The following MRPS35 variants were observed in gnomAD, a reference collection of about 807,000 sequenced individuals.
MRPS35 encodes small ribosomal subunit protein mS35.
In MRPS35, 29 loss-of-function variants were observed where a neutral mutation model predicts 32.7. The ratio of observed to expected loss-of-function variants is 0.89; its 90% CI spans 0.66 to 1.21. The LOEUF is 1.21. MRPS35 is among the 50% of genes most tolerant of loss of function. MRPS35 has a pLI of 0.00. For missense variants in MRPS35, 373 were observed against 383.8 expected (o/e 0.97, Z 0.23); for synonymous variants, 148 against 139.3 (o/e 1.06, Z -0.44).
intron 5 of MRPS35, 39 bp from the exon 6 acceptor site, chr12:27,735,408 A>G (rs911859786): frequency 1.4e-6 from 2 of 1,438,786 alleles, no homozygotes; most frequent in South Asian, 1.2e-5. Context: ...AAACAATTAT[A>G]TGAAATTATT....
At chr12:27,730,217 A>G (rs1466860014) in intron 5 of MRPS35, among the ~76,000 whole-genome samples, 1 of 152,146 alleles carries the variant, frequency 6.6e-6, no homozygotes, top group Non-Finnish European at 1.5e-5. Context: ...CTGTTCCAGA[A>G]TCCCATCCAG....
chr12:27,727,765 TTTG>T (rs2061906209), intron 5 of MRPS35, among the ~76,000 whole-genome samples: 1 of 152,174 alleles, frequency 6.6e-6, no homozygotes, highest in Non-Finnish European at 1.5e-5. Context: ...TGACCTATTG[TTTG>T]TTAATTATCA....
chr12:27,731,034 A>C (rs922560214), intron 5 of MRPS35, among the ~76,000 whole-genome samples: 2 of 152,192 alleles, frequency 1.3e-5, no homozygotes, highest in Admixed American at 1.3e-4. Flanking sequence ...TTATATCAGT[A>C]TGGACTCATG....
intron 5 of MRPS35, among the ~76,000 whole-genome samples, chr12:27,724,442 A>G (rs745368647): frequency 1.3e-5 from 2 of 151,800 alleles, no homozygotes; most frequent in Non-Finnish European, 2.9e-5. Context: ...ATTTTGGAAA[A>G]TACAAGTTTC....
At chr12:27,722,508 T>C (rs1353942580) in intron 4 of MRPS35, among the ~76,000 whole-genome samples, 9 of 151,368 alleles carry the variant, frequency 5.9e-5, no homozygotes, top group African/African-American at 1.9e-4. Flanking sequence ...AAATGACTTA[T>C]TCACATTTTT....
At chr12:27,744,413 G>A (rs1379750258) in intron 7 of MRPS35, among the ~76,000 whole-genome samples, 1 of 151,884 alleles carries the variant, frequency 6.6e-6, no homozygotes, top group African/African-American at 2.4e-5. Context: ...GGCCAACACA[G>A]CAAAACCTCA....
intron 7 of MRPS35, among the ~76,000 whole-genome samples, chr12:27,739,683 A>C (rs751358553): frequency 3.9e-5 from 6 of 152,266 alleles, no homozygotes; most frequent in Non-Finnish European, 8.8e-5. Context: ...TTGAACCAGC[A>C]ACATGGCTGA....
At chr12:27,736,948 C>T (rs959041074) in intron 6 of MRPS35, among the ~76,000 whole-genome samples, 1 of 152,218 alleles carries the variant, frequency 6.6e-6, no homozygotes, top group African/African-American at 2.4e-5. Context: ...ACAGTCATAG[C>T]TCACTGAAGC....
intron 2 of MRPS35, among the ~76,000 whole-genome samples, chr12:27,715,713 C>T (rs566784993): frequency 7.9e-5 from 12 of 152,286 alleles, no homozygotes; most frequent in Admixed American, 7.8e-4. Flanking sequence ...TGAATTTTGC[C>T]ACTATAAACC....
chr12:27,720,018 A>G (rs1194081268), intron 4 of MRPS35, 150 bp downstream of exon 4: 3 of 599,582 alleles, frequency 5.0e-6, no homozygotes, highest in Admixed American at 5.9e-5. Context: ...GCTAACCACT[A>G]CAAGGTATTA....
At chr12:27,749,288 C>T (rs533075726) in intron 7 of MRPS35, among the ~76,000 whole-genome samples, 26 of 151,368 alleles carry the variant, frequency 1.7e-4, no homozygotes, top group African/African-American at 4.6e-4. Context: ...ACTGAACTTT[C>T]GCTAAAAGAC....
chr12:27,727,726 T>C (rs994188758), intron 5 of MRPS35, among the ~76,000 whole-genome samples: 7 of 152,182 alleles, frequency 4.6e-5, no homozygotes, highest in Non-Finnish European at 2.9e-5. Context: ...CTAAAAGTTT[T>C]ATAGTTTTAG....
At chr12:27,717,708 TTAA>T (rs1444886041) in intron 3 of MRPS35, among the ~76,000 whole-genome samples, 1 of 152,226 alleles carries the variant, frequency 6.6e-6, no homozygotes, top group Non-Finnish European at 1.5e-5. Flanking sequence ...ATAATTTTGT[TTAA>T]AGAGGTCTTT....
At chr12:27,719,726 T>A in intron 3 of MRPS35, 82 bp from the exon 4 acceptor site, 1 of 813,230 alleles carries the variant, frequency 1.2e-6, no homozygotes, top group Non-Finnish European at 2.0e-6. Context: ...ATTGGGCCTG[T>A]GATTTAGTTT....
intron 7 of MRPS35, among the ~76,000 whole-genome samples, chr12:27,740,965 G>A (rs760024013): frequency 2.6e-5 from 4 of 151,972 alleles, no homozygotes; most frequent in Non-Finnish European, 5.9e-5. Context: ...TCAGGAGTTC[G>A]ATACCACCCT....
intron 5 of MRPS35, among the ~76,000 whole-genome samples, chr12:27,734,767 A>G (rs970943861): frequency 3.9e-5 from 6 of 152,158 alleles, no homozygotes; most frequent in Non-Finnish European, 7.4e-5. Context: ...GCTTATTAGC[A>G]TATTATCTGT....
At chr12:27,750,883 A>T (rs965348348) in intron 7 of MRPS35, among the ~76,000 whole-genome samples, 4 of 152,080 alleles carry the variant, frequency 2.6e-5, no homozygotes, top group Non-Finnish European at 5.9e-5. Flanking sequence ...CTGGCAGATC[A>T]CCTGAGGTCA....
rs2062024691 is a variant in MRPS35 at position 27,755,943 on chromosome 12, C to T, written c.*493C>T. 1 of 152,272 alleles carries T rather than the reference C, an allele frequency of 6.6e-6. No homozygotes were observed. Among genetic ancestry groups the T allele is most frequent in the African/African-American group, 2.4e-5 (1 of 41,458 alleles). The allele number at this position is 152,272 out of a possible 1,614,324, so 9.4% of individuals were successfully genotyped here. A position where few individuals can be genotyped will look rare whatever the true frequency, so the allele number is the denominator to read the frequency against. ...AGAAACAGGTCCTCAGGAGTATTCT[C>T]TAACCTGATATTTTCTAAAAAGATA... On this transcript the variant is annotated 3_prime_UTR_variant, in exon 8 of 8. Coordinates refer to ENST00000081029, the MANE Select transcript of MRPS35 (RefSeq NM_021821.4).
chr12:27,733,678 T>A (rs1442277819), intron 5 of MRPS35, among the ~76,000 whole-genome samples: 3 of 152,214 alleles, frequency 2.0e-5, no homozygotes, highest in Non-Finnish European at 4.4e-5. Context: ...TTGGTTTTAA[T>A]CAGAGTATAA....
Sources: gnomAD v4.1 joint callset for allele counts (sites outside exome capture counted in the v4.1 genomes callset) on GRCh38, gnomAD v4.1.1 for gene constraint, MANE v1.5 for transcripts, NCBI Gene and HGNC (gene_info 2026-07-23, HGNC 2026-07-21) for gene names.